Variants in DPP7 observed in about 807,000 individuals in gnomAD.
DPP7 encodes dipeptidyl peptidase 7.
Under a neutral mutation model 58.8 loss-of-function variants are expected in DPP7, and 74 were observed. That is an observed-to-expected ratio of 1.26 (90% CI 1.04 to 1.53). DPP7 has a LOEUF of 1.53. Ranked by LOEUF, DPP7 falls within the 40% of genes most tolerant of loss-of-function variation. The probability of loss-of-function intolerance (pLI) is 0.00; values close to 1 mark genes in which losing one functional copy is unlikely to be tolerated. For missense variants in DPP7, 807 were observed against 692.3 expected, an observed-to-expected ratio of 1.17 and a Z score of -1.86; for synonymous variants, 350 against 303.6, an observed-to-expected ratio of 1.15 and a Z score of -1.59.
Position 137,114,323 on chromosome 9 carries a change from C to G in DPP7, c.241G>C (p.Val81Leu). The G allele has an allele frequency of 6.2e-7, 1 of 1,606,094 alleles. No homozygotes were observed. The highest frequency in any genetic ancestry group is 2.3e-5 in the East Asian group (1 of 44,314). The change falls in exon 3 of 13, where the codon GTG (valine) becomes CTG (leucine). Residue 81 changes from valine to leucine, a missense_variant. Physicochemically the swap from Val to Leu is conservative, Grantham distance 32. Transcript: ENST00000371579. ...IFFYTGNEGD[V>L]WAFANNSAFV... is the part of the protein sequence containing the mutation. ...GCCGAGTTGTTGGCGAAGGCCCACA[C>G]GTCGCCCTCGTTCCCAGTGTAGAAG...
chr9:137,117,688 C>T (rs1404399406), upstream of DPP7, among the ~76,000 whole-genome samples: 1 of 152,050 alleles, frequency 6.6e-6, no homozygotes, highest in South Asian at 2.1e-4. Context: ...TATCGGCGGG[C>T]GGCTGGCCGT....
At chr9:137,116,700 A>C (rs531846514), upstream of DPP7, among the ~76,000 whole-genome samples, 1 of 152,340 alleles carries the variant, frequency 6.6e-6, no homozygotes, top group Non-Finnish European at 1.5e-5. Flanking sequence ...AGGATTAGTG[A>C]AAGAGGGAGG....
upstream of DPP7, among the ~76,000 whole-genome samples, chr9:137,115,925 C>T (rs111308461): frequency 1.3e-5 from 2 of 150,434 alleles, no homozygotes; most frequent in African/African-American, 5.0e-5. Context: ...TGTGGAGGTA[C>T]CCCACGGCGT....
chr9:137,114,125 C>T lies in DPP7; in HGVS notation c.322-97G>A, dbSNP rs1345627514. ...GCGACCCCGCCCGGCACCCGCGTGCCCCGCGACCCCCGCCCGCGACCCCGC... is the reference window on the plus strand; with the variant it reads ...GCGACCCCGCCCGGCACCCGCGTGCTCCGCGACCCCCGCCCGCGACCCCGC... On this transcript the variant is annotated intron_variant, in intron 3 of 12. Coordinates refer to ENST00000371579, the MANE Select transcript of DPP7 (RefSeq NM_013379.3). 35 of 168,652 alleles carry T rather than the reference C, an allele frequency of 2.1e-4. 1 individual carries two copies. The East Asian group carries it at 5.6e-3, about 27-fold the overall frequency. The allele number at this position is 168,652 out of a possible 1,614,324, so 10.4% of individuals were successfully genotyped here.
chr9:137,114,372 C>G lies in DPP7; in HGVS notation c.192G>C (p.Trp64Cys). Residue 64 changes from tryptophan to cysteine, a missense_variant, in exon 3 of 13, where the codon TGG becomes TGC. Trp to Cys is a radical substitution (Grantham distance 215). Around this residue, in one of 3 missense-constraint regions of DPP7, gnomAD observed 168 missense variants for 124.1 expected, o/e 1.35. Coordinates refer to ENST00000371579, the MANE Select transcript of DPP7 (RefSeq NM_013379.3). ...AGAAGATGGGCCCCTCGCCCCGGAC[C>G]CAGAACCTGTCTGTGGGGAGGGCGG... ...PQRFLVSDRF[W>C]VRGEGPIFFY... is the part of the protein sequence containing the mutation. 1.9e-6 allele frequency: 3 copies of G among 1,603,606 alleles called. No individual in the cohort carries two copies. Among genetic ancestry groups the G allele is most frequent in the Non-Finnish European group, 1.7e-6 (2 of 1,176,150 alleles).
chr9:137,111,774 TTGTGA>T lies in DPP7; in HGVS notation c.1208-25_1208-21del, dbSNP rs1358204215. On this transcript the variant is annotated intron_variant, in intron 10 of 12. Coordinates refer to ENST00000371579, the MANE Select transcript of DPP7 (RefSeq NM_013379.3). Reference sequence around the variant, plus strand: ...TGAGATCTGCAAGGGGCAGAGAAAGTTGTGATGTGGGCCCCTCACGGGGGCTGTGA... The same window carrying T: ...TGAGATCTGCAAGGGGCAGAGAAAGTTGTGGGCCCCTCACGGGGGCTGTGA... The T allele has an allele frequency of 6.2e-7, 1 of 1,613,362 alleles. No homozygotes were observed. Among genetic ancestry groups the T allele is most frequent in the Admixed American group, 1.7e-5 (1 of 60,000 alleles).
At position 137,114,698 on chromosome 9, in the gene DPP7, A is replaced by G. The variant is rs1831576591; in HGVS notation, c.16T>C (p.Trp6Arg). 2.3e-6 allele frequency: 3 copies of G among 1,325,590 alleles called. No individual in the cohort carries two copies. The highest frequency in any genetic ancestry group is 2.9e-6 in the Non-Finnish European group (3 of 1,039,842). 82.1% of individuals were successfully genotyped at this position (1,325,590 alleles called of 1,614,324 possible). The change falls in exon 1 of 13, where the codon TGG (tryptophan) becomes CGG (arginine). Residue 6 changes from tryptophan to arginine, a missense_variant. Around this residue, in one of 3 missense-constraint regions of DPP7, gnomAD observed 168 missense variants for 124.1 expected, o/e 1.35. Transcript: ENST00000371579. Reference protein sequence around the residue: MGSAPWAPVLLLALGL... With the variant: MGSAPRAPVLLLALGL... ...AGCGCCAGCAGCAGGACCGGGGCCC[A>G]GGGAGCGGAGCCCATGTCGCCTTCC...
chr9:137,114,880 C>G (rs1422855163), upstream of DPP7: 1 of 414,814 alleles, frequency 2.4e-6, no homozygotes, highest in Non-Finnish European at 4.0e-6. Flanking sequence ...GCCCCGCGGC[C>G]GCTGCCCAGG....
chr9:137,110,822 C>T (rs778992840), intron 12 of DPP7, 39 bp from the exon 13 acceptor site: 3 of 1,602,036 alleles, frequency 1.9e-6, no homozygotes, highest in Middle Eastern at 1.7e-4. Flanking sequence ...CAGCCCCAGC[C>T]CTCGGTGAGC....
At chr9:137,112,473 C>T in intron 8 of DPP7, 1 of 622,544 alleles carries the variant, frequency 1.6e-6, no homozygotes, top group South Asian at 2.0e-5. Flanking sequence ...GCCTGCTGCC[C>T]TCTGTTGCCC....
chr9:137,112,990 G>A lies in DPP7; in HGVS notation c.833C>T (p.Thr278Ile), dbSNP rs1477914984. Residue 278 changes from threonine (T) to isoleucine (I), a missense_variant, in exon 7 of 13, where the codon ACT (threonine) becomes ATT (isoleucine). This residue lies in a region of DPP7 where 624 missense variants were observed against 531.2 expected (regional missense o/e 1.17). Transcript: ENST00000371579. ...VLAMMDYPYP[T>I]DFLGPLPANP... ...GGCAGGGAGGGGACCCAGGAAGTCA[G>A]TGGGGTAGGGGTAGTCCATCATGGC... The A allele has an allele frequency of 3.7e-6, 6 of 1,613,552 alleles. No homozygotes were observed. The East Asian group carries it at 1.3e-4, about 36-fold the overall frequency.
chr9:137,111,660 C>T (rs767692204), intron 11 of DPP7, 30 bp downstream of exon 11: 17 of 1,600,422 alleles, frequency 1.1e-5, no homozygotes, highest in Admixed American at 1.1e-4. Flanking sequence ...AACAAACTAA[C>T]GGGGTCATAG....
chr9:137,117,610 A>G (rs868537028), upstream of DPP7, among the ~76,000 whole-genome samples: 10 of 152,068 alleles, frequency 6.6e-5, no homozygotes, highest in African/African-American at 1.7e-4. Context: ...CCCACCCTCT[A>G]TGGCTCACAG....
At position 137,112,727 on chromosome 9, in the gene DPP7, G is replaced by A. The variant is rs765630193; in HGVS notation, c.931+18C>T. 5 of 1,591,552 alleles carry A rather than the reference G, an allele frequency of 3.1e-6. No homozygotes were observed. The Admixed American group carries it at 8.7e-5, about 28-fold the overall frequency. On this transcript the variant is annotated intron_variant, in intron 8 of 12. Coordinates refer to ENST00000371579, the MANE Select transcript of DPP7 (RefSeq NM_013379.3). ...TGGGGTCTCCACACTTGCCCATCTGGGGCCGGGGGAAGGGCACCTGCCAGT... is the reference window on the plus strand; with the variant it reads ...TGGGGTCTCCACACTTGCCCATCTGAGGCCGGGGGAAGGGCACCTGCCAGT...
rs1229516847 is a variant in DPP7 at position 137,110,867 on chromosome 9, C to T, written c.1343+13G>A. 1.2e-6 allele frequency: 2 copies of T among 1,610,504 alleles called. No individual in the cohort carries two copies. Among genetic ancestry groups the T allele is most frequent in the African/African-American group, 2.7e-5 (2 of 75,018 alleles). ...CCGACCCGCGACCACCGCCAGGCCA[C>T]CTCCCTCCGCACCTGAGGTCGAGGT... On this transcript the variant is annotated intron_variant, in intron 12 of 12. Coordinates refer to ENST00000371579, the MANE Select transcript of DPP7 (RefSeq NM_013379.3).
In DPP7 at chr9:137,112,765, G is replaced by A. The variant is rs139554508; in HGVS notation, c.911C>T (p.Thr304Met). 473 of 1,608,198 alleles carry A rather than the reference G, an allele frequency of 2.9e-4. No individual in the cohort carries two copies. Among genetic ancestry groups the A allele is most frequent in the Non-Finnish European group, 3.6e-4 (428 of 1,179,062 alleles). Residue 304 changes from threonine (T) to methionine (M), a missense_variant, in exon 8 of 13, where the codon ACG (threonine) becomes ATG (methionine). Coordinates refer to ENST00000371579, the MANE Select transcript of DPP7 (RefSeq NM_013379.3). ...GGCACCTGCCAGTGCTCGCAGCCCC[G>A]TGATCCTCTGGGCCTCACTCAGCAG... Reference protein sequence around the residue: ...DRLLSEAQRITGLRALAGLVY... With the variant: ...DRLLSEAQRIMGLRALAGLVY...
rs202169711 is a variant in DPP7 at position 137,114,581 on chromosome 9, G to C, written c.68-5C>G. 869 of 1,516,902 alleles carry C rather than the reference G, an allele frequency of 5.7e-4. 3 individuals are homozygous for C. In the African/African-American group the frequency reaches 0.011, roughly 19 times the overall value. 94.0% of individuals were successfully genotyped at this position (1,516,902 alleles called of 1,614,324 possible). A position where few individuals can be genotyped will look rare whatever the true frequency, so the allele number is the denominator to read the frequency against. On this transcript the variant is annotated splice_polypyrimidine_tract_variant and splice_region_variant and intron_variant, in intron 1 of 12. Coordinates refer to ENST00000371579, the MANE Select transcript of DPP7 (RefSeq NM_013379.3). ...CGGGGTCCGGGGCCCTGCGGGCTGT[G>C]GGGGGACGCGAACCTCAGAGGCGGG... is the stretch of plus-strand genomic sequence containing the variant.
At chr9:137,111,589 G>T in intron 11 of DPP7, 101 bp downstream of exon 11, 1 of 1,363,500 alleles carries the variant, frequency 7.3e-7, no homozygotes, top group South Asian at 1.3e-5. Context: ...AGTGAACCCT[G>T]ATCTCGCCAC....
At position 137,110,924 on chromosome 9, in the gene DPP7, G is replaced by A; in HGVS notation, c.1299C>T (p.Val433=). Residue 433 remains valine (V), a synonymous_variant, in exon 12 of 13, where the codon GTC becomes GTT. Coordinates refer to ENST00000371579, the MANE Select transcript of DPP7 (RefSeq NM_013379.3). Reference sequence around the variant, plus strand: ...CTCCCCCCTGGATGGTGACGGCGATGACTGAGGCACTCAGGTTCCTCCGAA... The same window carrying A: ...CTCCCCCCTGGATGGTGACGGCGATAACTGAGGCACTCAGGTTCCTCCGAA... ...GGIRRNLSAS[V]IAVTIQGGAH... 1 of 1,613,126 alleles carries A rather than the reference G, an allele frequency of 6.2e-7. No individual in the cohort carries two copies. The highest frequency in any genetic ancestry group is 1.3e-5 in the African/African-American group (1 of 75,034).
Sources: allele counts gnomAD v4.1 joint callset (sites outside exome capture counted in the v4.1 genomes callset), GRCh38; gene constraint gnomAD v4.1.1; regional missense constraint gnomAD v4.1.1; transcripts MANE v1.5; gene names NCBI Gene and HGNC (gene_info 2026-07-23, HGNC 2026-07-21).